AMIGO2: variants seen among roughly 807,000 people sequenced by gnomAD.
AMIGO2 encodes adhesion molecule with Ig like domain 2, also known as amphoterin-induced protein 2.
In AMIGO2, 15 loss-of-function variants were observed where a neutral mutation model predicts 23.7. The ratio of observed to expected loss-of-function variants is 0.63; its 90% CI spans 0.42 to 0.98. The LOEUF (loss-of-function observed/expected upper bound fraction) is 0.98. Ranked by LOEUF, AMIGO2 falls within the 50% of genes least tolerant of loss-of-function variation. The pLI is 0.00. For missense variants in AMIGO2, 561 were observed against 633.1 expected, an observed-to-expected ratio of 0.89 and a Z score of 1.22; for synonymous variants, 264 against 252.3, an observed-to-expected ratio of 1.05 and a Z score of -0.44.
chr12:47,077,360 T>C lies in AMIGO2; in HGVS notation c.*74A>G. ...AAACAACACAATTTCTGTCCTGCTG[T>C]TTATTTTGCAGACCACACACAAAGT... On this transcript the variant is annotated 3_prime_UTR_variant, in exon 3 of 3. Coordinates refer to ENST00000550413, the MANE Select transcript of AMIGO2 (RefSeq NM_001370299.1). The C allele has an allele frequency of 6.6e-7, 1 of 1,515,868 alleles. No homozygotes were observed. Among genetic ancestry groups the C allele is most frequent in the East Asian group, 2.3e-5 (1 of 43,796 alleles). 93.9% of individuals were successfully genotyped at this position (1,515,868 alleles called of 1,614,324 possible).
intron 1 of AMIGO2, 80 bp downstream of exon 1, chr12:47,079,382 A>G: frequency 5.5e-6 from 1 of 180,498 alleles, no homozygotes; most frequent in Non-Finnish European, 1.1e-5. Flanking sequence ...TCCCTCCAAC[A>G]GACACAACTA....
In AMIGO2 at chr12:47,079,758, C is replaced by G. The variant is rs895543577; in HGVS notation, c.-467G>C. 2.7e-5 allele frequency: 4 copies of G among 150,826 alleles called. No individual in the cohort carries two copies. The highest frequency in any genetic ancestry group is 2.6e-4 in the Admixed American group (4 of 15,134). 9.3% of individuals were successfully genotyped at this position (150,826 alleles called of 1,614,324 possible). On this transcript the variant is annotated 5_prime_UTR_variant, in exon 1 of 3. Transcript: ENST00000550413. ...CTCGGCGCTCTGGCCGCCGTGTGCC[C>G]GCGCGCGGGGCGCCCCGCTCCCAGA...
At position 47,078,896 on chromosome 12, in the gene AMIGO2, C is replaced by A; in HGVS notation, c.107G>T (p.Gly36Val). The change falls in exon 3 of 3, where the codon GGT becomes GTT. Residue 36 changes from glycine to valine, a missense_variant. Coordinates refer to ENST00000550413, the MANE Select transcript of AMIGO2 (RefSeq NM_001370299.1). Reference sequence around the variant, plus strand: ...AGCGGTGGGGCACACCCCAGAGGCACCAGGGCCCACAGTCACTGTGATCAT... The same window carrying A: ...AGCGGTGGGGCACACCCCAGAGGCAACAGGGCCCACAGTCACTGTGATCAT... ...LLMITVTVGP[G>V]ASGVCPTACI... The A allele has an allele frequency of 6.2e-7, 1 of 1,614,192 alleles. No individual in the cohort carries two copies.
In AMIGO2 at chr12:47,078,397, G is replaced by A. The variant is rs1941893510; in HGVS notation, c.606C>T (p.Asn202=). 2 of 1,614,090 alleles carry A rather than the reference G, an allele frequency of 1.2e-6. No individual in the cohort carries two copies. The highest frequency in any genetic ancestry group is 1.1e-5 in the South Asian group (1 of 91,080). ...AELMFLDVSY[N]RIPSMPMHHI... is the part of the protein sequence containing the mutation. ...GGTGCATTGGCATGGAAGGAATTCG[G>A]TTATAAGAAACATCTAAAAACATCA... Residue 202 remains asparagine (N), a synonymous_variant, in exon 3 of 3, where the codon AAC becomes AAT. Coordinates refer to ENST00000550413, the MANE Select transcript of AMIGO2 (RefSeq NM_001370299.1).
At position 47,078,421 on chromosome 12, in the gene AMIGO2, C is replaced by T; in HGVS notation, c.582G>A (p.Leu194=). ...GGTTATAAGAAACATCTAAAAACATCAGTTCTGCCAGCTTGAACCTTCCAA... is the reference window on the plus strand; with the variant it reads ...GGTTATAAGAAACATCTAAAAACATTAGTTCTGCCAGCTTGAACCTTCCAA... The part of the protein sequence containing the change: ...LYVGRFKLAE[L]MFLDVSYNRI... The change falls in exon 3 of 3, where the codon CTG becomes CTA. Residue 194 remains leucine, a synonymous_variant. Coordinates refer to ENST00000550413, the MANE Select transcript of AMIGO2 (RefSeq NM_001370299.1). 6.2e-7 allele frequency: 1 copy of T among 1,614,134 alleles called. No individual in the cohort carries two copies. The highest frequency in any genetic ancestry group is 8.5e-7 in the Non-Finnish European group (1 of 1,180,034).
At position 47,079,799 on chromosome 12, in the gene AMIGO2, G is replaced by A. The variant is rs1000071932; in HGVS notation, c.-508C>T. ...CGCTCCCAGAGCCGGGGCCGCGGGA[G>A]GGGGCGCAGGCAGCCGGGCGGCAGC... On this transcript the variant is annotated 5_prime_UTR_variant, in exon 1 of 3. Coordinates refer to ENST00000550413, the MANE Select transcript of AMIGO2 (RefSeq NM_001370299.1). The A allele has an allele frequency of 2.7e-5, 4 of 149,850 alleles. No homozygotes were observed. Among genetic ancestry groups the A allele is most frequent in the Admixed American group, 6.6e-5 (1 of 15,086 alleles). 9.3% of individuals were successfully genotyped at this position (149,850 alleles called of 1,614,324 possible). A position where few individuals can be genotyped will look rare whatever the true frequency, so the allele number is the denominator to read the frequency against.
Position 47,077,314 on chromosome 12 carries a change from T to C in AMIGO2, c.*120A>G. Reference sequence around the variant, plus strand: ...TTCCTACCAATCATTTTAAGAGAATTTGGTTGTATTTCAAAGAACAAAACA... The same window carrying C: ...TTCCTACCAATCATTTTAAGAGAATCTGGTTGTATTTCAAAGAACAAAACA... On this transcript the variant is annotated 3_prime_UTR_variant, in exon 3 of 3. Transcript: ENST00000550413. 1 of 1,311,126 alleles carries C rather than the reference T, an allele frequency of 7.6e-7. No homozygotes were observed. The highest frequency in any genetic ancestry group is 1.0e-6 in the Non-Finnish European group (1 of 977,958). 81.2% of individuals were successfully genotyped at this position (1,311,126 alleles called of 1,614,324 possible). A position where few individuals can be genotyped will look rare whatever the true frequency, so the allele number is the denominator to read the frequency against.
rs973981381 is a variant in AMIGO2, at chr12:47,077,185, A to G, written c.*249T>C. The stretch of plus-strand genomic sequence containing the variant: ...TCACCTTTGGGCCTACTCTGAAATT[A>G]CCAATAGTGCTAAAAGCTAAGATAT... On this transcript the variant is annotated 3_prime_UTR_variant, in exon 3 of 3. Coordinates refer to ENST00000550413, the MANE Select transcript of AMIGO2 (RefSeq NM_001370299.1). 5.1e-5 allele frequency: 24 copies of G among 469,766 alleles called. No homozygotes were observed. Among genetic ancestry groups the G allele is most frequent in the Admixed American group, 1.2e-4 (3 of 25,566 alleles). 29.1% of individuals were successfully genotyped at this position (469,766 alleles called of 1,614,324 possible). A position where few individuals can be genotyped will look rare whatever the true frequency, so the allele number is the denominator to read the frequency against.
At chr12:47,079,403 T>G (rs1941917200) in intron 1 of AMIGO2, 59 bp downstream of exon 1, 1 of 165,022 alleles carries the variant, frequency 6.1e-6, no homozygotes. Context: ...TACGCAAACG[T>G]ACGCTACAAA....
In AMIGO2 at chr12:47,078,015, G is replaced by A; in HGVS notation, c.988C>T (p.Leu330=). The A allele has an allele frequency of 6.2e-7, 1 of 1,613,990 alleles. No individual in the cohort carries two copies. Among genetic ancestry groups the A allele is most frequent in the Non-Finnish European group, 8.5e-7 (1 of 1,180,046 alleles). The part of the protein sequence containing the change: ...DFIWVGPDNR[L]LEPDKEMENF... ...TCCATCTCTTTATCCGGCTCTAGCAGTCTGTTATCTGGACCCACCCAGATG... is the reference window on the plus strand; with the variant it reads ...TCCATCTCTTTATCCGGCTCTAGCAATCTGTTATCTGGACCCACCCAGATG... The change falls in exon 3 of 3, where the codon CTG becomes TTG. Residue 330 remains leucine, a synonymous_variant. Transcript: ENST00000550413.
Position 47,078,953 on chromosome 12 carries a change from C to A in AMIGO2, c.50G>T (p.Arg17Ile). 1 of 1,613,810 alleles carries A rather than the reference C, an allele frequency of 6.2e-7. No individual in the cohort carries two copies. Among genetic ancestry groups the A allele is most frequent in the South Asian group, 1.1e-5 (1 of 91,030 alleles). The change falls in exon 3 of 3, where the codon AGA (arginine) becomes ATA (isoleucine). Residue 17 changes from arginine to isoleucine, a missense_variant. Transcript: ENST00000550413. ...ACACAGCAGCTCCCTGCAGCCCGGT[C>A]TGACGACGGCTCCAAGCAGGGTGGG... ...TLPTLLGAVV[R>I]PGCRELLCLL...
At position 47,076,911 on chromosome 12, in the gene AMIGO2, T is replaced by C. The variant is rs994887542; in HGVS notation, c.*523A>G. On this transcript the variant is annotated 3_prime_UTR_variant, in exon 3 of 3. Coordinates refer to ENST00000550413, the MANE Select transcript of AMIGO2 (RefSeq NM_001370299.1). The stretch of plus-strand genomic sequence containing the variant: ...TCCAGTACATTTTATCAGTGTAGTC[T>C]ATTCATTCTGGTCTAAAACGGTAAT... 2.6e-5 allele frequency: 4 copies of C among 155,868 alleles called. No homozygotes were observed. The highest frequency in any genetic ancestry group is 9.6e-5 in the African/African-American group (4 of 41,492). The allele number at this position is 155,868 out of a possible 1,614,324, so 9.7% of individuals were successfully genotyped here. A position where few individuals can be genotyped will look rare whatever the true frequency, so the allele number is the denominator to read the frequency against.
rs1941896373 is a variant in AMIGO2, at chr12:47,078,537, G to C, written c.466C>G (p.Leu156Val). Reference protein sequence around the residue: ...LLLYNNHISYLDPSAFGGLSQ... With the variant: ...LLLYNNHISYVDPSAFGGLSQ... ...AGCCCTCCAAACGCTGAAGGATCGAGATAGGATATGTGATTGTTGTAAAGC... is the reference window on the plus strand; with the variant it reads ...AGCCCTCCAAACGCTGAAGGATCGACATAGGATATGTGATTGTTGTAAAGC... Residue 156 changes from leucine to valine, a missense_variant, in exon 3 of 3, where the codon CTC becomes GTC. Leu to Val is a conservative substitution (Grantham distance 32). Coordinates refer to ENST00000550413, the MANE Select transcript of AMIGO2 (RefSeq NM_001370299.1). 1 of 1,614,092 alleles carries C rather than the reference G, an allele frequency of 6.2e-7. No homozygotes were observed. Among genetic ancestry groups the C allele is most frequent in the South Asian group, 1.1e-5 (1 of 91,086 alleles).
Position 47,078,676 on chromosome 12 carries a change from G to A in AMIGO2, c.327C>T (p.Ser109=). 1 of 1,614,196 alleles carries A rather than the reference G, an allele frequency of 6.2e-7. No homozygotes were observed. The highest frequency in any genetic ancestry group is 8.5e-7 in the Non-Finnish European group (1 of 1,180,044). ...ILRHNNITSI[S]TGSFSTTPNL... The stretch of plus-strand genomic sequence containing the variant: ...TTGGAGTTGTGGAAAAACTGCCCGT[G>A]GAAATGCTGGTGATGTTGTTATGAC... The change falls in exon 3 of 3, where the codon TCC becomes TCT. Residue 109 remains serine, a synonymous_variant. Coordinates refer to ENST00000550413, the MANE Select transcript of AMIGO2 (RefSeq NM_001370299.1).
At position 47,078,539 on chromosome 12, in the gene AMIGO2, T is replaced by A; in HGVS notation, c.464A>T (p.Tyr155Phe). Reference protein sequence around the residue: ...VLLLYNNHISYLDPSAFGGLS... With the variant: ...VLLLYNNHISFLDPSAFGGLS... ...CCCTCCAAACGCTGAAGGATCGAGA[T>A]AGGATATGTGATTGTTGTAAAGCAG... is the stretch of plus-strand genomic sequence containing the variant. The change falls in exon 3 of 3, where the codon TAT (tyrosine) becomes TTT (phenylalanine). Residue 155 changes from tyrosine (Y) to phenylalanine (F), a missense_variant. Transcript: ENST00000550413. 6.2e-7 allele frequency: 1 copy of A among 1,614,170 alleles called. No individual in the cohort carries two copies. The highest frequency in any genetic ancestry group is 8.5e-7 in the Non-Finnish European group (1 of 1,180,028).
At position 47,079,183 on chromosome 12, in the gene AMIGO2, A is replaced by G; in HGVS notation, c.-105T>C. The G allele has an allele frequency of 2.5e-6, 2 of 808,512 alleles. No individual in the cohort carries two copies. The highest frequency in any genetic ancestry group is 3.7e-6 in the Non-Finnish European group (2 of 540,630). 50.1% of individuals were successfully genotyped at this position (808,512 alleles called of 1,614,324 possible). ...TAACTTTTGAAATGGGTTTTATTTC[A>G]CAATAGGGAGCTCTGTGTTGCCTCT... On this transcript the variant is annotated 5_prime_UTR_variant, in exon 2 of 3. Coordinates refer to ENST00000550413, the MANE Select transcript of AMIGO2 (RefSeq NM_001370299.1).
chr12:47,076,169 A>G (rs1029615976), downstream of AMIGO2: 18 of 152,232 alleles, frequency 1.2e-4, no homozygotes, highest in African/African-American at 4.1e-4. Context: ...CATTCATTCC[A>G]GTATGGGGAG....
rs771356711 is a variant in AMIGO2 at position 47,078,900 on chromosome 12, G to C, written c.103C>G (p.Pro35Ala). The part of the protein sequence containing the change: ...CLLMITVTVG[P>A]GASGVCPTAC... ...GTGGGGCACACCCCAGAGGCACCAG[G>C]GCCCACAGTCACTGTGATCATCAGC... Residue 35 changes from proline to alanine, a missense_variant, in exon 3 of 3, where the codon CCT becomes GCT. Coordinates refer to ENST00000550413, the MANE Select transcript of AMIGO2 (RefSeq NM_001370299.1). 1.6e-5 allele frequency: 26 copies of C among 1,614,178 alleles called. No individual in the cohort carries two copies. The highest frequency in any genetic ancestry group is 2.2e-5 in the South Asian group (2 of 91,082).
downstream of AMIGO2, chr12:47,076,280 A>G (rs1941854564): frequency 6.6e-6 from 1 of 152,196 alleles, no homozygotes; most frequent in Non-Finnish European, 1.5e-5. Context: ...ACAGGATAAT[A>G]AGGAGGTCTC....
Sources: allele counts gnomAD v4.1 joint callset, GRCh38; gene constraint gnomAD v4.1.1; transcripts MANE v1.5; gene names NCBI Gene and HGNC (gene_info 2026-07-23, HGNC 2026-07-21).